Variants in SCN10A observed in about 807,000 individuals in gnomAD.
SCN10A encodes sodium voltage-gated channel alpha subunit 10, also known as sodium channel protein type 10 subunit alpha.
A neutral mutation model predicts 170.7 loss-of-function variants in SCN10A; 162 were observed. The ratio of observed to expected loss-of-function variants is 0.95; its 90% confidence interval spans 0.84 to 1.08. The LOEUF is 1.08. Ranked by LOEUF, SCN10A falls within the 50% of genes least tolerant of loss-of-function variation. The probability of loss-of-function intolerance (pLI) is 0.00; values close to 1 mark genes in which losing one functional copy is unlikely to be tolerated. For synonymous variants in SCN10A, 985 were observed against 904.6 expected, an observed-to-expected ratio of 1.09 and a Z score of -1.59; for missense variants, 2,527 against 2,436.9, an observed-to-expected ratio of 1.04 and a Z score of -0.78.
In SCN10A at chr3:38,755,886, C is replaced by T; in HGVS notation, c.1363G>A (p.Ala455Thr). ...HNGSPLTSKN[A>T]SERRHRIKPR... ...TTTATTCTATGCCTTCTCTCACTGG[C>T]ATTTTTGGAGGTTAAAGGTGATCCA... The change falls in exon 11 of 28, where the codon GCC becomes ACC. Residue 455 changes from alanine to threonine, a missense_variant. By Grantham distance (58) the Ala-to-Thr change is moderately conservative. Transcript: ENST00000449082. 6 of 1,614,192 alleles carry T rather than the reference C, an allele frequency of 3.7e-6. No individual in the cohort carries two copies. The highest frequency in any genetic ancestry group is 1.1e-5 in the South Asian group (1 of 91,084).
In SCN10A at chr3:38,718,633, G is replaced by C. The variant is rs373294325; in HGVS notation, c.3681+20C>G. The C allele has an allele frequency of 9.9e-6, 16 of 1,613,212 alleles. No individual in the cohort carries two copies. In the African/African-American group the frequency reaches 1.3e-4, roughly 13 times the overall value. On this transcript the variant is annotated intron_variant, in intron 21 of 27. Transcript: ENST00000449082. ...GAGGGGAGGACCCCAAACCCCACGT[G>C]TTCCCACTGAGCCACTCACATTCAC...
chr3:38,708,602 A>G (rs2063236513), intron 25 of SCN10A, among the ~76,000 whole-genome samples: 1 of 151,714 alleles, frequency 6.6e-6, no homozygotes, highest in Admixed American at 6.6e-5. Context: ...TGCCAGTCAC[A>G]CTCCCCTCTG....
intron 8 of SCN10A, among the ~76,000 whole-genome samples, chr3:38,760,293 C>A (rs1055986615): frequency 1.3e-5 from 2 of 152,218 alleles, no homozygotes; most frequent in African/African-American, 4.8e-5. Flanking sequence ...CCCAGGCTAA[C>A]CTGTTTGGGG....
intron 11 of SCN10A, 135 bp from the exon 12 acceptor site, chr3:38,752,647 A>G: frequency 1.6e-6 from 1 of 628,428 alleles, no homozygotes; most frequent in Non-Finnish European, 2.6e-6. Context: ...GTAAAGGCAC[A>G]AATCTAAGGG....
Position 38,712,456 on chromosome 3 carries a change from A to G in SCN10A, c.3805-11T>C. 1 of 1,612,064 alleles carries G rather than the reference A, an allele frequency of 6.2e-7. No individual in the cohort carries two copies. Among genetic ancestry groups the G allele is most frequent in the Non-Finnish European group, 8.5e-7 (1 of 1,178,644 alleles). On this transcript the variant is annotated splice_polypyrimidine_tract_variant and intron_variant, in intron 22 of 27. Transcript: ENST00000449082. ...GGCATCCACCACCACCTGGTGGGAGATAGAGAAAGACCTGGAACCTCCCAA... is the reference window on the plus strand; with the variant it reads ...GGCATCCACCACCACCTGGTGGGAGGTAGAGAAAGACCTGGAACCTCCCAA...
chr3:38,809,022 C>G (rs150591386), intron 1 of SCN10A, among the ~76,000 whole-genome samples: 103 of 152,260 alleles, frequency 6.8e-4, no homozygotes, highest in African/African-American at 2.4e-3. Context: ...TCTGAGGTGA[C>G]CTCTGCAAAC....
At chr3:38,792,276 G>T in intron 2 of SCN10A, 108 bp from the exon 3 acceptor site, 9 of 1,410,450 alleles carry the variant, frequency 6.4e-6, no homozygotes, top group Admixed American at 2.0e-5. Flanking sequence ...GAGCAAGAAG[G>T]GCTCTGGGAA....
At chr3:38,756,899 C>T (rs764963646) in intron 9 of SCN10A, 28 bp from the exon 10 acceptor site, 1 of 1,612,752 alleles carries the variant, frequency 6.2e-7, no homozygotes, top group South Asian at 1.1e-5. Context: ...AGAAGAGAAA[C>T]CTGTACCCAT....
chr3:38,718,695 G>A lies in SCN10A; in HGVS notation c.3639C>T (p.Tyr1213=), dbSNP rs1396146975. The change falls in exon 21 of 28, where the codon TAC becomes TAT. Residue 1213 remains tyrosine (Y), a synonymous_variant. Transcript: ENST00000449082. Reference sequence around the variant, plus strand: ...CCAGCCAGCACCAGGCATTGGTGAAGTACTTTTTGAAGCCATAGGCCACCC... The same window carrying A: ...CCAGCCAGCACCAGGCATTGGTGAAATACTTTTTGAAGCCATAGGCCACCC... ...LKWVAYGFKK[Y]FTNAWCWLDF... is the part of the protein sequence containing the mutation. The A allele has an allele frequency of 6.2e-7, 1 of 1,614,228 alleles. No homozygotes were observed. The highest frequency in any genetic ancestry group is 1.7e-5 in the Admixed American group (1 of 60,020).
chr3:38,794,660 C>G (rs1489781220), intron 1 of SCN10A, among the ~76,000 whole-genome samples: 1 of 152,150 alleles, frequency 6.6e-6, no homozygotes, highest in Non-Finnish European at 1.5e-5. Context: ...ACTCCCTCAC[C>G]CTTATCCTAA....
chr3:38,775,828 C>T (rs958747962), intron 4 of SCN10A, among the ~76,000 whole-genome samples: 4 of 152,110 alleles, frequency 2.6e-5, no homozygotes, highest in Non-Finnish European at 5.9e-5. Context: ...TCTTCTCCAA[C>T]CACAATATTT....
Position 38,697,593 on chromosome 3 carries a change from G to C in SCN10A, c.5627C>G (p.Thr1876Ser). ...CTCCTCAGCTCTGGGCACACATGGG[G>C]TGTTAGAGAGTGCCATGGAGCGGTG... is the stretch of plus-strand genomic sequence containing the variant. Reference protein sequence around the residue: ...VLHRSMALSNTPCVPRAEEEA... With the variant: ...VLHRSMALSNSPCVPRAEEEA... The change falls in exon 28 of 28, where the codon ACC (threonine) becomes AGC (serine). Residue 1876 changes from threonine to serine, a missense_variant. By Grantham distance (58) the Thr-to-Ser change is moderately conservative (BLOSUM62 1). Coordinates refer to ENST00000449082, the MANE Select transcript of SCN10A (RefSeq NM_006514.4). 6.2e-7 allele frequency: 1 copy of C among 1,614,200 alleles called. No homozygotes were observed.
chr3:38,812,706 G>A (rs1021633466), intron 1 of SCN10A, among the ~76,000 whole-genome samples: 1 of 151,980 alleles, frequency 6.6e-6, no homozygotes, highest in Non-Finnish European at 1.5e-5. Context: ...CTGCACTCTG[G>A]GCACAGAAAC....
At chr3:38,811,321 C>T (rs957679511) in intron 1 of SCN10A, among the ~76,000 whole-genome samples, 1 of 151,830 alleles carries the variant, frequency 6.6e-6, no homozygotes, top group South Asian at 2.1e-4. Context: ...GGCATGGTGG[C>T]GTGAACCTGT....
chr3:38,709,646 G>A, intron 24 of SCN10A, 31 bp from the exon 25 acceptor site: 7 of 1,554,370 alleles, frequency 4.5e-6, no homozygotes, highest in Non-Finnish European at 6.1e-6. Flanking sequence ...GTGGGAAGGA[G>A]GGTGGGTGTC....
chr3:38,769,398 C>G (rs1353444992), intron 5 of SCN10A, among the ~76,000 whole-genome samples: 1 of 152,046 alleles, frequency 6.6e-6, no homozygotes, highest in African/African-American at 2.4e-5. Context: ...ACCACCACAT[C>G]TAGCTAATTT....
intron 5 of SCN10A, among the ~76,000 whole-genome samples, chr3:38,769,312 C>T (rs2063972188): frequency 7.0e-6 from 1 of 143,148 alleles, no homozygotes; most frequent in South Asian, 2.2e-4. Context: ...GATCTCAGCT[C>T]ACCGCAACCT....
At chr3:38,713,879 C>T (rs189885172) in intron 22 of SCN10A, 79 bp downstream of exon 22, 234 of 1,565,932 alleles carry the variant, frequency 1.5e-4, no homozygotes, top group Admixed American at 4.4e-4. Flanking sequence ...CCGCCCGCCT[C>T]AGCCTCCCAA....
chr3:38,772,721 CAACAAAAACAAA>C (rs1210789368), intron 4 of SCN10A, among the ~76,000 whole-genome samples: 1 of 61,160 alleles, frequency 1.6e-5, no homozygotes, highest in Non-Finnish European at 3.3e-5. Context: ...ACAACAACAA[CAACAAAAACAAA>C]AACAAAAAAA....
Sources: allele counts gnomAD v4.1 joint callset (sites outside exome capture counted in the v4.1 genomes callset), GRCh38; gene constraint gnomAD v4.1.1; transcripts MANE v1.5; gene names NCBI Gene and HGNC (gene_info 2026-07-23, HGNC 2026-07-21).